Variants in ZNF407 observed in about 807,000 individuals in gnomAD.
ZNF407 encodes the protein zinc finger protein 407.
ZNF407 carries 17 observed loss-of-function variants against 131.2 expected under a neutral mutation model. The observed-to-expected ratio is 0.13, with a 90% CI of 0.09 to 0.19. The LOEUF is 0.19. ZNF407 is among the 10% of genes least tolerant of loss of function. The pLI, the probability that ZNF407 is intolerant of heterozygous loss-of-function variation, is 1.00. For synonymous variants in ZNF407, 1,156 were observed against 1,062.0 expected (o/e 1.09, Z -1.72); for missense variants, 2,681 against 2,830.6 (o/e 0.95, Z 1.20).
intron 7 of ZNF407, among the ~76,000 whole-genome samples, chr18:74,896,003 T>G (rs1245193566): frequency 6.6e-6 from 1 of 152,226 alleles, no homozygotes; most frequent in Admixed American, 6.5e-5. Context: ...AAATAGATCT[T>G]GATCTCTGTA....
chr18:75,050,075 A>C (rs1447893999), intron 8 of ZNF407, among the ~76,000 whole-genome samples: 3 of 152,202 alleles, frequency 2.0e-5, no homozygotes, highest in African/African-American at 4.8e-5. Flanking sequence ...ATGTGGTTCA[A>C]ATATTTTAGT....
chr18:75,043,169 C>T (rs1269424615), intron 8 of ZNF407, among the ~76,000 whole-genome samples: 1 of 152,204 alleles, frequency 6.6e-6, no homozygotes, highest in African/African-American at 2.4e-5. Flanking sequence ...GCGTCCTCAC[C>T]AGCACTTGGC....
chr18:74,877,433 G>T, intron 5 of ZNF407, 70 bp downstream of exon 5: 1 of 1,405,944 alleles, frequency 7.1e-7, no homozygotes, highest in South Asian at 1.2e-5. Flanking sequence ...GGGAACAGAG[G>T]CATTAATTAT....
At chr18:75,006,356 T>A (rs777061036) in intron 8 of ZNF407, among the ~76,000 whole-genome samples, 2 of 152,240 alleles carry the variant, frequency 1.3e-5, no homozygotes, top group African/African-American at 2.4e-5. Context: ...CTAACTTAAG[T>A]TGAATGCTTA....
chr18:74,679,076 T>TA (rs978068548), intron 3 of ZNF407, among the ~76,000 whole-genome samples: 3 of 152,018 alleles, frequency 2.0e-5, no homozygotes, highest in Non-Finnish European at 2.9e-5. Context: ...ACTCAGCGGT[T>TA]AAAAAAACCA....
chr18:74,628,755 A>T (rs1196772318), intron 1 of ZNF407, among the ~76,000 whole-genome samples: 1 of 151,332 alleles, frequency 6.6e-6, no homozygotes, highest in Admixed American at 6.6e-5. Flanking sequence ...TTATTTTTTT[A>T]TTTTTTTAGA....
intron 4 of ZNF407, among the ~76,000 whole-genome samples, chr18:74,853,653 C>T (rs142005136): frequency 1.3e-3 from 196 of 152,256 alleles, no homozygotes; most frequent in African/African-American, 4.5e-3. Context: ...CCTGTCAGAA[C>T]CATCTGTACT....
chr18:74,690,300 TAGAA>T (rs1967189724), intron 3 of ZNF407, among the ~76,000 whole-genome samples: 1 of 152,172 alleles, frequency 6.6e-6, no homozygotes, highest in Non-Finnish European at 1.5e-5. Context: ...TTAACAAAGT[TAGAA>T]AGATGTAATT....
intron 4 of ZNF407, among the ~76,000 whole-genome samples, chr18:74,867,777 A>G (rs1388523124): frequency 2.0e-5 from 3 of 152,232 alleles, no homozygotes; most frequent in African/African-American, 7.2e-5. Flanking sequence ...CCATACTATT[A>G]TATCAGTACA....
At chr18:74,756,814 T>C (rs957389000) in intron 3 of ZNF407, among the ~76,000 whole-genome samples, 5 of 152,154 alleles carry the variant, frequency 3.3e-5, no homozygotes, top group Non-Finnish European at 5.9e-5. Context: ...ATTTCTTGTT[T>C]AGTTGTGCTT....
chr18:74,923,751 TTAG>T (rs1971876776), intron 8 of ZNF407, among the ~76,000 whole-genome samples: 1 of 152,218 alleles, frequency 6.6e-6, no homozygotes, highest in African/African-American at 2.4e-5. Context: ...GAAATATTTC[TTAG>T]TAGCAATATC....
chr18:74,758,515 CA>C (rs1969016923), intron 3 of ZNF407, among the ~76,000 whole-genome samples: 1 of 152,094 alleles, frequency 6.6e-6, no homozygotes, highest in African/African-American at 2.4e-5. Context: ...TCCATCAATA[CA>C]AATTTGTAAT....
intron 8 of ZNF407, among the ~76,000 whole-genome samples, chr18:75,029,789 G>C (rs948717381): frequency 3.3e-5 from 5 of 152,218 alleles, no homozygotes; most frequent in Non-Finnish European, 5.9e-5. Flanking sequence ...TGAGTACAGT[G>C]AACGGATGTC....
At chr18:74,985,330 G>A (rs1056175262) in intron 8 of ZNF407, among the ~76,000 whole-genome samples, 1 of 147,638 alleles carries the variant, frequency 6.8e-6, no homozygotes, top group African/African-American at 2.5e-5. Context: ...ATTCAATACA[G>A]AGAATTAGTT....
At chr18:74,835,558 A>C (rs1298552969) in intron 4 of ZNF407, among the ~76,000 whole-genome samples, 1 of 151,936 alleles carries the variant, frequency 6.6e-6, no homozygotes, top group Non-Finnish European at 1.5e-5. Context: ...TTTATTTGTT[A>C]GAGATAAAGA....
At chr18:74,765,204 G>A (rs1217697943) in intron 3 of ZNF407, among the ~76,000 whole-genome samples, 1 of 152,082 alleles carries the variant, frequency 6.6e-6, no homozygotes, top group Non-Finnish European at 1.5e-5. Flanking sequence ...TATGTTTTGT[G>A]TATTTATAGT....
chr18:74,795,631 C>T (rs1198144936), intron 4 of ZNF407, among the ~76,000 whole-genome samples: 1 of 152,164 alleles, frequency 6.6e-6, no homozygotes. Flanking sequence ...AATAGACAAG[C>T]ATGTAAATTA....
chr18:74,846,487 A>G (rs950948424), intron 4 of ZNF407, among the ~76,000 whole-genome samples: 2 of 151,034 alleles, frequency 1.3e-5, no homozygotes, highest in African/African-American at 4.9e-5. Flanking sequence ...TTACAGGTGC[A>G]TGCCACCACG....
intron 4 of ZNF407, among the ~76,000 whole-genome samples, chr18:74,860,112 C>A (rs1970916478): frequency 1.3e-5 from 2 of 152,080 alleles, no homozygotes; most frequent in Non-Finnish European, 2.9e-5. Context: ...TTGAGACCAG[C>A]CTGGGCAACA....
Sources: gnomAD v4.1 joint callset for allele counts (sites outside exome capture counted in the v4.1 genomes callset) on GRCh38, gnomAD v4.1.1 for gene constraint, MANE v1.5 for transcripts, NCBI Gene and HGNC (gene_info 2026-07-23, HGNC 2026-07-21) for gene names.